WDPCP: variants seen among roughly 807,000 people sequenced by gnomAD.
WDPCP encodes the protein WD repeat containing planar cell polarity effector, also known as WD repeat-containing and planar cell polarity effector protein fritz homolog.
A neutral mutation model predicts 93.1 loss-of-function variants in WDPCP; 71 were observed. The ratio of observed to expected loss-of-function variants is 0.76; its 90% confidence interval spans 0.63 to 0.93. The LOEUF is 0.93. Among genes scored for constraint, WDPCP ranks in the 40% least tolerant of loss-of-function variants. WDPCP has a pLI of 0.00. For synonymous variants in WDPCP, 315 were observed against 315.0 expected, an observed-to-expected ratio of 1.00 and a Z score of 0.00; for missense variants, 844 against 887.4, an observed-to-expected ratio of 0.95 and a Z score of 0.62.
At chr2:63,287,427 G>A (rs1253543393) in intron 13 of WDPCP, among the ~76,000 whole-genome samples, 2 of 151,596 alleles carry the variant, frequency 1.3e-5, no homozygotes, top group Non-Finnish European at 2.9e-5. Context: ...TACTCTTCCT[G>A]TTGTAACACC....
At chr2:63,418,130 A>C (rs775443728) in intron 9 of WDPCP, among the ~76,000 whole-genome samples, 8 of 152,196 alleles carry the variant, frequency 5.3e-5, no homozygotes, top group Non-Finnish European at 1.2e-4. Flanking sequence ...AAAACATCAA[A>C]TAGAATTATG....
intron 3 of WDPCP, among the ~76,000 whole-genome samples, chr2:63,641,974 T>C (rs910971136): frequency 2.6e-5 from 4 of 152,130 alleles, no homozygotes; most frequent in Admixed American, 6.5e-5. Flanking sequence ...TTGTTTATGG[T>C]GAGAGATAGA....
rs370486617 is a variant in WDPCP, at chr2:63,533,965, C to T, written c.76-41025G>A. ...ATCAACAAAACAGATAGACTGCTAGCAAGACTAAAAAAGAAGAAAAGACAG... is the reference window on the plus strand; with the variant it reads ...ATCAACAAAACAGATAGACTGCTAGTAAGACTAAAAAAGAAGAAAAGACAG... On this transcript the variant is annotated intron_variant, in intron 1 of 17. Transcript: ENST00000272321. Among the ~76,000 whole-genome samples, 15 of 151,660 alleles carry T rather than the reference C, an allele frequency of 9.9e-5. 1 individual carries two copies. The South Asian group carries it at 2.9e-3, about 30-fold the overall frequency.
In WDPCP at chr2:63,333,218, G is replaced by A. The variant is rs544975072; in HGVS notation, c.1749-19907C>T. ...TACAAACCAAAAATTCTCATCAGAT[G>A]GGTTTTATTAAACCCTGTATATCAT... On this transcript the variant is annotated intron_variant, in intron 12 of 17. Coordinates refer to ENST00000272321, the MANE Select transcript of WDPCP (RefSeq NM_015910.7). 2.0e-5 allele frequency among the ~76,000 whole-genome samples: 3 copies of A among 152,138 alleles called. No individual in the cohort carries two copies. The East Asian group carries it at 5.8e-4, about 29-fold the overall frequency.
intron 2 of WDPCP, among the ~76,000 whole-genome samples, chr2:63,492,381 C>A (rs1700935395): frequency 6.6e-6 from 1 of 151,332 alleles, no homozygotes; most frequent in Non-Finnish European, 1.5e-5. Flanking sequence ...ATTTTAATAT[C>A]AAATAGAAAT....
intron 2 of WDPCP, among the ~76,000 whole-genome samples, chr2:63,791,862 C>A (rs1670550306): frequency 6.6e-6 from 1 of 152,132 alleles, no homozygotes; most frequent in Non-Finnish European, 1.5e-5. Context: ...ATAATGATTC[C>A]TATTCACATA....
chr2:63,330,339 C>T (rs1687885991), intron 12 of WDPCP, among the ~76,000 whole-genome samples: 1 of 152,136 alleles, frequency 6.6e-6, no homozygotes, highest in Admixed American at 6.6e-5. Context: ...TTAGTAATGT[C>T]AAGCATCTTT....
At chr2:63,676,356 G>C (rs754742322) in intron 2 of WDPCP, among the ~76,000 whole-genome samples, 6 of 152,184 alleles carry the variant, frequency 3.9e-5, no homozygotes, top group Non-Finnish European at 5.9e-5. Flanking sequence ...GCCCACAAAG[G>C]AGGAGTGACC....
At chr2:63,433,487 G>A (rs982943656) in intron 9 of WDPCP, among the ~76,000 whole-genome samples, 1 of 152,084 alleles carries the variant, frequency 6.6e-6, no homozygotes, top group African/African-American at 2.4e-5. Context: ...GCACATACAA[G>A]TTAGTAACTT....
chr2:63,404,280 C>G lies in WDPCP; in HGVS notation c.1203G>C (p.Leu401Phe). 1 of 1,613,994 alleles carries G rather than the reference C, an allele frequency of 6.2e-7. No homozygotes were observed. The highest frequency in any genetic ancestry group is 8.5e-7 in the Non-Finnish European group (1 of 1,179,930). ...ILLVGSNQGE[L>F]QIFDMALSPI... ...GGGATAGAGCCATATCAAAAATTTGCAACTCCCCTTGGTTGCTGCCAACTA... is the reference window on the plus strand; with the variant it reads ...GGGATAGAGCCATATCAAAAATTTGGAACTCCCCTTGGTTGCTGCCAACTA... Residue 401 changes from leucine to phenylalanine, a missense_variant, in exon 10 of 18, where the codon TTG (leucine) becomes TTC (phenylalanine). By Grantham distance (22) the Leu-to-Phe change is conservative. Coordinates refer to ENST00000272321, the MANE Select transcript of WDPCP (RefSeq NM_015910.7).
At chr2:63,549,261 A>G (rs1296473905) in intron 1 of WDPCP, among the ~76,000 whole-genome samples, 1 of 151,466 alleles carries the variant, frequency 6.6e-6, no homozygotes, top group African/African-American at 2.4e-5. Context: ...AAAAAAAAAA[A>G]AAAAAAAGAA....
intron 1 of WDPCP, among the ~76,000 whole-genome samples, chr2:63,567,531 C>G (rs1023666136): frequency 1.3e-5 from 2 of 152,194 alleles, no homozygotes; most frequent in African/African-American, 4.8e-5. Flanking sequence ...ACGCCAGGCT[C>G]TCTCCCACCT....
At chr2:63,788,261 A>AT (rs909718640) in intron 2 of WDPCP, among the ~76,000 whole-genome samples, 5 of 152,184 alleles carry the variant, frequency 3.3e-5, no homozygotes, top group African/African-American at 7.2e-5. Flanking sequence ...GTCAAGTACC[A>AT]TAAAAAAACA....
intron 13 of WDPCP, among the ~76,000 whole-genome samples, chr2:63,294,258 C>G (rs1289064058): frequency 1.3e-5 from 2 of 152,122 alleles, no homozygotes; most frequent in Admixed American, 1.3e-4. Context: ...AATCCCCACA[C>G]TTTGGGAGGC....
chr2:63,297,299 G>T (rs1020277495), intron 13 of WDPCP, among the ~76,000 whole-genome samples: 1 of 152,196 alleles, frequency 6.6e-6, no homozygotes, highest in African/African-American at 2.4e-5. Flanking sequence ...TGGGGGTTCA[G>T]ATGTCCTCCG....
intron 2 of WDPCP, among the ~76,000 whole-genome samples, chr2:63,778,412 T>C (rs966419520): frequency 6.6e-6 from 1 of 152,108 alleles, no homozygotes; most frequent in Non-Finnish European, 1.5e-5. Flanking sequence ...TTTCACCATC[T>C]TGGCCAAGCT....
At chr2:63,702,704 A>AC (rs1309557018) in intron 2 of WDPCP, among the ~76,000 whole-genome samples, 1 of 139,426 alleles carries the variant, frequency 7.2e-6, no homozygotes, top group Non-Finnish European at 1.6e-5. Flanking sequence ...CATCCAGCTA[A>AC]TTTTTTTTTT....
chr2:63,392,658 A>G (rs1475828045), intron 10 of WDPCP, among the ~76,000 whole-genome samples: 1 of 152,230 alleles, frequency 6.6e-6, no homozygotes, highest in Non-Finnish European at 1.5e-5. Context: ...GCTAATATCA[A>G]GAATCTACAA....
chr2:63,700,298 A>AG lies in WDPCP; in HGVS notation n.309-49461_309-49460insC, dbSNP rs1464890614. Among the ~76,000 whole-genome samples, 27 of 104,260 alleles carry AG rather than the reference A, an allele frequency of 2.6e-4. No homozygotes were observed. In the East Asian group the frequency reaches 4.1e-3, roughly 16 times the overall value. 68.4% of individuals were successfully genotyped at this position (104,260 alleles called of 152,430 possible). The stretch of plus-strand genomic sequence containing the variant: ...ACCCTGTCTCAAAAAAAAAAAAAAA[A>AG]AAAAACAAAAAGAAAAAAAGAAAAA... On this transcript the variant is annotated intron_variant and non_coding_transcript_variant, in intron 2 of 4. Coordinates refer to the WDPCP transcript ENST00000467687.
Sources: gnomAD v4.1 joint callset for allele counts (sites outside exome capture counted in the v4.1 genomes callset) on GRCh38, gnomAD v4.1.1 for gene constraint, MANE v1.5 for transcripts, NCBI Gene and HGNC (gene_info 2026-07-23, HGNC 2026-07-21) for gene names.